ESPN: variants seen among roughly 807,000 people sequenced by gnomAD.
ESPN encodes autosomal recessive deafness type 36 protein.
In ESPN, 68 loss-of-function variants were observed where a neutral mutation model predicts 77.7. That is an observed-to-expected ratio of 0.87 (90% CI 0.72 to 1.07). The LOEUF is 1.07. ESPN is among the 50% of genes least tolerant of loss of function. ESPN has a pLI of 0.00. For synonymous variants in ESPN, 449 were observed against 567.1 expected (o/e 0.79, Z 2.96); for missense variants, 1,060 against 1,239.0 (o/e 0.86, Z 2.17).
intron 2 of ESPN, among the ~76,000 whole-genome samples, chr1:6,436,476 TTTTTTCTTATTTA>T (rs1403168530): frequency 8.1e-6 from 1 of 122,880 alleles, no homozygotes; most frequent in African/African-American, 4.3e-5. Context: ...GTGATGGGAA[TTTTTTCTTATTTA>T]TTTATTTATT....
chr1:6,430,265 C>T (rs572876677), intron 2 of ESPN, among the ~76,000 whole-genome samples: 14 of 152,276 alleles, frequency 9.2e-5, no homozygotes, highest in Admixed American at 4.6e-4. Context: ...CTCTCGCTGG[C>T]GCGTGGGTGA....
intron 3 of ESPN, 24 bp from the exon 4 acceptor site, chr1:6,440,602 C>CCCAAAG: frequency 1.6e-6 from 2 of 1,256,474 alleles, no homozygotes; most frequent in Non-Finnish European, 2.2e-6. Flanking sequence ...CCCCCGCCCC[C>CCCAAAG]CTCTCCCCGC....
chr1:6,441,965 C>T lies in ESPN; in HGVS notation c.990+900C>T, dbSNP rs573150884. On this transcript the variant is annotated intron_variant, in intron 5 of 12. Coordinates refer to ENST00000645284, the MANE Select transcript of ESPN (RefSeq NM_031475.3). ...GGGCCTGAGGATGAACTTCCCCCCG[C>T]GAAAGAGTCTCTGGAAGAGAATGAA... 2.1e-3 allele frequency among the ~76,000 whole-genome samples: 319 copies of T among 152,252 alleles called. 1 individual carries two copies. The highest frequency in any genetic ancestry group is 7.4e-3 in the African/African-American group (308 of 41,540).
Position 6,448,931 on chromosome 1 carries a change from C to A in ESPN, c.1755C>A (p.Cys585Ter). The A allele has an allele frequency of 7.2e-7, 1 of 1,394,510 alleles. No individual in the cohort carries two copies. Among genetic ancestry groups the A allele is most frequent in the South Asian group, 1.6e-5 (1 of 64,062 alleles). 86.4% of individuals were successfully genotyped at this position (1,394,510 alleles called of 1,614,324 possible). ...LLPGNHVPNG[C>*]AADPKASREL... Reference sequence around the variant, plus strand: ...CTGGGAACCATGTTCCTAACGGCTGCGCCGCGGACCCCAAGGCGTCCAGGG... The same window carrying A: ...CTGGGAACCATGTTCCTAACGGCTGAGCCGCGGACCCCAAGGCGTCCAGGG... The change falls in exon 8 of 13, where the codon TGC (cysteine) becomes TGA (stop). Residue 585 changes from cysteine to a stop codon, truncating the protein, a stop_gained. Transcript: ENST00000645284. LOFTEE classifies it high-confidence loss of function.
At chr1:6,455,932 G>A (rs1349417646) in intron 10 of ESPN, 4 of 398,746 alleles carry the variant, frequency 1.0e-5, no homozygotes, top group Non-Finnish European at 1.8e-5. Context: ...GAACAGGAGC[G>A]GACCGAAGAG....
intron 7 of ESPN, 32 bp downstream of exon 7, chr1:6,445,967 A>C (rs753518738): frequency 6.2e-7 from 1 of 1,609,224 alleles, no homozygotes; most frequent in South Asian, 1.1e-5. Context: ...CCTGCCTCCC[A>C]GCAGGGGGAC....
Position 6,449,068 on chromosome 1 carries a change from G to A in ESPN, c.1892G>A (p.Arg631His). The A allele has an allele frequency of 2.0e-6, 3 of 1,482,990 alleles. No homozygotes were observed. The highest frequency in any genetic ancestry group is 2.7e-6 in the Non-Finnish European group (3 of 1,123,794). 91.9% of individuals were successfully genotyped at this position (1,482,990 alleles called of 1,614,324 possible). ...LESAGPGCGQ[R>H]RSSSSTGSTK... ...AGCGCTGGCCCTGGCTGCGGGCAGC[G>A]CCGCTCCTCCTCGTCCACCGGCAGT... Residue 631 changes from arginine (R) to histidine (H), a missense_variant, in exon 8 of 13, where the codon CGC becomes CAC. Arg to His is a conservative substitution (Grantham distance 29). Transcript: ENST00000645284.
rs752831028 is a variant in ESPN, at chr1:6,449,026, C to T, written c.1850C>T (p.Pro617Leu). 2 of 1,466,412 alleles carry T rather than the reference C, an allele frequency of 1.4e-6. No homozygotes were observed. Among genetic ancestry groups the T allele is most frequent in the Non-Finnish European group, 1.8e-6 (2 of 1,115,980 alleles). The allele number at this position is 1,466,412 out of a possible 1,614,324, so 90.8% of individuals were successfully genotyped here. Residue 617 changes from proline to leucine, a missense_variant, in exon 8 of 13, where the codon CCG becomes CTG. Pro to Leu is a moderately conservative substitution (Grantham distance 98). Coordinates refer to ENST00000645284, the MANE Select transcript of ESPN (RefSeq NM_031475.3). The part of the protein sequence containing the change: ...PEAASSPPPA[P>L]PLPLESAGPG... ...GCCGCGAGTTCGCCACCGCCGGCCC[C>T]GCCTCTGCCCCTCGAGAGCGCTGGC...
rs530882053 is a variant in ESPN at position 6,445,764 on chromosome 1, A to G, written c.1293A>G (p.Pro431=). 2.1e-6 allele frequency: 1 copy of G among 475,348 alleles called. No individual in the cohort carries two copies. The highest frequency in any genetic ancestry group is 2.9e-6 in the Non-Finnish European group (1 of 341,198). 29.4% of individuals were successfully genotyped at this position (475,348 alleles called of 1,614,324 possible). A position where few individuals can be genotyped will look rare whatever the true frequency, so the allele number is the denominator to read the frequency against. ...GCACGATTGGGAAGCCCACACCCCCACCACCCCCACCCAGCTTCCCCCCGC... is the reference window on the plus strand; with the variant it reads ...GCACGATTGGGAAGCCCACACCCCCGCCACCCCCACCCAGCTTCCCCCCGC... The part of the protein sequence containing the change: ...PRGTIGKPTP[P]PPPPSFPPPP... Residue 431 remains proline (P), a synonymous_variant, in exon 7 of 13, where the codon CCA becomes CCG. Coordinates refer to ENST00000645284, the MANE Select transcript of ESPN (RefSeq NM_031475.3).
At position 6,435,941 on chromosome 1, in the gene ESPN, G is replaced by A. The variant is rs200066740; in HGVS notation, c.489-4313G>A. Reference sequence around the variant, plus strand: ...CCCATTTCATGGATGGGTTTGGGAAGACAAAGAGACAAGAAGCAAGACTGT... The same window carrying A: ...CCCATTTCATGGATGGGTTTGGGAAAACAAAGAGACAAGAAGCAAGACTGT... On this transcript the variant is annotated intron_variant, in intron 2 of 12. Transcript: ENST00000645284. Among the ~76,000 whole-genome samples, 20 of 152,378 alleles carry A rather than the reference G, an allele frequency of 1.3e-4. No homozygotes were observed. In the East Asian group the frequency reaches 3.1e-3, roughly 23 times the overall value.
chr1:6,425,460 C>T (rs945984001), intron 1 of ESPN, among the ~76,000 whole-genome samples: 7 of 152,232 alleles, frequency 4.6e-5, no homozygotes, highest in East Asian at 3.9e-4. Flanking sequence ...TGGGTGCTCC[C>T]TGGAAGCGCA....
At chr1:6,458,589 C>A (rs1644094392) in intron 12 of ESPN, among the ~76,000 whole-genome samples, 1 of 151,356 alleles carries the variant, frequency 6.6e-6, no homozygotes, top group Admixed American at 6.6e-5. Context: ...GTGCTGGGAT[C>A]ACAGGCGTAA....
Position 6,460,094 on chromosome 1 carries a change from C to T in ESPN, c.2513C>T (p.Ala838Val). 3.1e-6 allele frequency: 5 copies of T among 1,613,318 alleles called. No homozygotes were observed. The highest frequency in any genetic ancestry group is 1.7e-5 in the Admixed American group (1 of 60,028). Reference sequence around the variant, plus strand: ...CTGGGCTACGATGAGAGCAAGCTGGCGCCCTGGCAGCGACAGGTCATCCTG... The same window carrying T: ...CTGGGCTACGATGAGAGCAAGCTGGTGCCCTGGCAGCGACAGGTCATCCTG... ...RTLGYDESKLAPWQRQVILKK... is the reference protein window; with the variant it reads ...RTLGYDESKLVPWQRQVILKK... The change falls in exon 13 of 13, where the codon GCG (alanine) becomes GTG (valine). Residue 838 changes from alanine to valine, a missense_variant. Ala to Val is a moderately conservative substitution (Grantham distance 64, BLOSUM62 0). This residue lies in a region of ESPN where 374 missense variants were observed against 381.4 expected (regional missense o/e 0.98). Coordinates refer to ENST00000645284, the MANE Select transcript of ESPN (RefSeq NM_031475.3).
At chr1:6,440,535 G>GA in intron 3 of ESPN, 91 bp from the exon 4 acceptor site, 1 of 748,412 alleles carries the variant, frequency 1.3e-6, no homozygotes, top group Non-Finnish European at 1.8e-6. Context: ...TGGGGCGGGG[G>GA]GGCGGGGGCG....
intron 2 of ESPN, among the ~76,000 whole-genome samples, chr1:6,431,983 G>C (rs1385346407): frequency 6.6e-6 from 1 of 152,202 alleles, no homozygotes; most frequent in Non-Finnish European, 1.5e-5. Flanking sequence ...CTGGCTTGCT[G>C]TGTGGCCTTG....
chr1:6,429,231 C>A (rs1323742558), intron 2 of ESPN, among the ~76,000 whole-genome samples: 1 of 151,854 alleles, frequency 6.6e-6, no homozygotes, highest in Non-Finnish European at 1.5e-5. Flanking sequence ...GAGTGGGGTG[C>A]TCTGATGGGT....
intron 10 of ESPN, chr1:6,456,359 C>G: frequency 2.6e-6 from 1 of 384,114 alleles, no homozygotes; most frequent in Non-Finnish European, 4.6e-6. Flanking sequence ...CCTCTGAGGT[C>G]CCATCGTGGC....
rs1643864857 is a variant in ESPN, at chr1:6,447,155, G to A, written c.1464+1220G>A. 1 of 153,192 alleles carries A rather than the reference G, an allele frequency of 6.5e-6. No homozygotes were observed. Among genetic ancestry groups the A allele is most frequent in the Non-Finnish European group, 1.4e-5 (1 of 69,294 alleles). 9.5% of individuals were successfully genotyped at this position (153,192 alleles called of 1,614,324 possible). A position where few individuals can be genotyped will look rare whatever the true frequency, so the allele number is the denominator to read the frequency against. On this transcript the variant is annotated intron_variant, in intron 7 of 12. Transcript: ENST00000645284. The surrounding 1 kb of genome is among the most constrained non-coding windows in gnomAD (Gnocchi z 5.2). The stretch of plus-strand genomic sequence containing the variant: ...GCTGTGTGAGCCCCCTCCCGGCTGT[G>A]TGCGTCCCTCCGGGCTGTGTGCGCC...
At chr1:6,434,203 T>C (rs1440111348) in intron 2 of ESPN, among the ~76,000 whole-genome samples, 1 of 152,152 alleles carries the variant, frequency 6.6e-6, no homozygotes, top group Non-Finnish European at 1.5e-5. Flanking sequence ...GCACCTGGCC[T>C]CCCAGCTGCC....
Sources: gnomAD v4.1 joint callset for allele counts (sites outside exome capture counted in the v4.1 genomes callset) on GRCh38, gnomAD v4.1.1 for gene constraint, gnomAD v4.1.1 regional missense constraint, Gnocchi (gnomAD v3.1) non-coding constraint, MANE v1.5 for transcripts, NCBI Gene and HGNC (gene_info 2026-07-23, HGNC 2026-07-21) for gene names.